Variants in MED12L observed in about 807,000 individuals in gnomAD.
The protein encoded by MED12L is mediator complex subunit 12L, also known as mediator of RNA polymerase II transcription subunit 12-like protein.
MED12L carries 60 observed loss-of-function variants against 281.3 expected under a neutral mutation model. The observed-to-expected ratio is 0.21, with a 90% CI of 0.17 to 0.26. The LOEUF (loss-of-function observed/expected upper bound fraction) is 0.26. Ranked by LOEUF, MED12L falls within the 10% of genes least tolerant of loss-of-function variation. The pLI, the probability that MED12L is intolerant of heterozygous loss-of-function variation, is 1.00. For synonymous variants in MED12L, 974 were observed against 987.2 expected, an observed-to-expected ratio of 0.99 and a Z score of 0.25; for missense variants, 2,146 against 2,680.9, an observed-to-expected ratio of 0.80 and a Z score of 4.41.
At chr3:151,305,758 T>C (rs1466367670) in intron 16 of MED12L, among the ~76,000 whole-genome samples, 10 of 152,082 alleles carry the variant, frequency 6.6e-5, no homozygotes. Flanking sequence ...GGGGGCAGTA[T>C]TGGGCAGAGG....
At chr3:151,427,383 C>G (rs1400351826) in intron 43 of MED12L, among the ~76,000 whole-genome samples, 1 of 152,086 alleles carries the variant, frequency 6.6e-6, no homozygotes, top group Admixed American at 6.5e-5. Context: ...CTTAAGCCAC[C>G]CTCACACCAC....
rs1719780375 is a variant in MED12L at position 151,433,675 on chromosome 3, A to G, written c.*871A>G. 6.6e-6 allele frequency: 1 copy of G among 152,628 alleles called. No homozygotes were observed. Among genetic ancestry groups the G allele is most frequent in the Non-Finnish European group, 1.5e-5 (1 of 68,050 alleles). The allele number at this position is 152,628 out of a possible 1,614,324, so 9.5% of individuals were successfully genotyped here. On this transcript the variant is annotated 3_prime_UTR_variant, in exon 45 of 45. Transcript: ENST00000687756. ...ACCTTATGCCACCTTAAGGGGAAAAAAAAATCCAGTAGCTGGCTTGAGATT... is the reference window on the plus strand; with the variant it reads ...ACCTTATGCCACCTTAAGGGGAAAAGAAAATCCAGTAGCTGGCTTGAGATT...
intron 16 of MED12L, among the ~76,000 whole-genome samples, chr3:151,301,014 T>C (rs1376807858): frequency 2.0e-5 from 3 of 152,192 alleles, no homozygotes; most frequent in African/African-American, 7.2e-5. Flanking sequence ...ATCCACTCTT[T>C]TGAGAGTTTA....
intron 16 of MED12L, chr3:151,328,900 T>C: frequency 1.9e-6 from 3 of 1,614,010 alleles, no homozygotes; most frequent in Non-Finnish European, 2.5e-6. Context: ...AGAAAACCAC[T>C]GTGTAGAGGG....
chr3:151,117,956 T>C (rs1000770898), intron 3 of MED12L, among the ~76,000 whole-genome samples: 16 of 151,264 alleles, frequency 1.1e-4, no homozygotes, highest in Non-Finnish European at 1.9e-4. Flanking sequence ...CTGGGTGTGG[T>C]GGTGGGCGCC....
Position 151,409,226 on chromosome 3 carries a change from T to C in MED12L, c.5821-17T>C, listed in dbSNP as rs756853198. 6.3e-7 allele frequency: 1 copy of C among 1,578,076 alleles called. No individual in the cohort carries two copies. Among genetic ancestry groups the C allele is most frequent in the African/African-American group, 1.4e-5 (1 of 72,812 alleles). On this transcript the variant is annotated splice_polypyrimidine_tract_variant and intron_variant, in intron 39 of 44. Coordinates refer to ENST00000687756, the MANE Select transcript of MED12L (RefSeq NM_001393769.1). Reference sequence around the variant, plus strand: ...TTGCTGTTATGATCAAGAGTTTGCTTTGGCTTTGTTTTCCAGGGCCAGCCG... The same window carrying C: ...TTGCTGTTATGATCAAGAGTTTGCTCTGGCTTTGTTTTCCAGGGCCAGCCG...
intron 19 of MED12L, among the ~76,000 whole-genome samples, chr3:151,356,249 AAT>A (rs1753906003): frequency 6.6e-6 from 1 of 151,898 alleles, no homozygotes; most frequent in African/African-American, 2.4e-5. Flanking sequence ...AAAATTTAAA[AAT>A]TAGCTGGTTG....
At chr3:151,169,369 C>A (rs1336075007) in intron 11 of MED12L, among the ~76,000 whole-genome samples, 1 of 152,112 alleles carries the variant, frequency 6.6e-6, no homozygotes, top group Non-Finnish European at 1.5e-5. Flanking sequence ...GATCCACCCG[C>A]CTTGGCCTCC....
At chr3:151,201,078 C>T (rs1369526377) in intron 16 of MED12L, 1 of 152,156 alleles carries the variant, frequency 6.6e-6, no homozygotes, top group Non-Finnish European at 1.5e-5. Flanking sequence ...TAAGGGCTTA[C>T]TGTGTGGGCA....
At chr3:151,319,190 TG>T (rs1336274004) in intron 16 of MED12L, among the ~76,000 whole-genome samples, 1 of 152,146 alleles carries the variant, frequency 6.6e-6, no homozygotes, top group East Asian at 1.9e-4. Context: ...ATGAAAAAAG[TG>T]TAACACTTTG....
chr3:151,311,622 A>G (rs1747527858), intron 16 of MED12L, among the ~76,000 whole-genome samples: 1 of 152,226 alleles, frequency 6.6e-6, no homozygotes. Flanking sequence ...AGGTGTGACA[A>G]CTAGAATACA....
chr3:151,191,074 G>C (rs920061711), intron 14 of MED12L, 143 bp downstream of exon 14: 1 of 676,824 alleles, frequency 1.5e-6, no homozygotes, highest in South Asian at 1.9e-5. Flanking sequence ...TCTACTTCTC[G>C]AGCAGGAAAG....
chr3:151,338,018 CA>C (rs1304393300), intron 16 of MED12L: 2 of 1,613,970 alleles, frequency 1.2e-6, no homozygotes, highest in African/African-American at 2.7e-5. Context: ...TCACATAGAA[CA>C]GAGTATTTTC....
intron 5 of MED12L, among the ~76,000 whole-genome samples, chr3:151,152,459 G>A (rs1464723331): frequency 2.0e-5 from 3 of 152,116 alleles, no homozygotes; most frequent in Admixed American, 2.0e-4. Flanking sequence ...CTTATCCAGA[G>A]CATTGCCTGG....
At chr3:151,183,019 A>G (rs978936562) in intron 11 of MED12L, among the ~76,000 whole-genome samples, 2 of 152,194 alleles carry the variant, frequency 1.3e-5, no homozygotes, top group South Asian at 2.1e-4. Context: ...AGGAGAGCAT[A>G]TGATTTCCAC....
At chr3:151,144,503 C>T (rs987878374) in intron 5 of MED12L, among the ~76,000 whole-genome samples, 1 of 152,144 alleles carries the variant, frequency 6.6e-6, no homozygotes, top group African/African-American at 2.4e-5. Flanking sequence ...GACCCCTCTC[C>T]CCTATTTTTG....
intron 20 of MED12L, among the ~76,000 whole-genome samples, chr3:151,358,083 TG>T (rs1227684017): frequency 6.6e-6 from 1 of 152,172 alleles, no homozygotes; most frequent in African/African-American, 2.4e-5. Context: ...AAAAGAATCA[TG>T]GGGTTCTTTG....
chr3:151,299,515 G>A (rs940724837), intron 16 of MED12L, among the ~76,000 whole-genome samples: 3 of 143,142 alleles, frequency 2.1e-5, no homozygotes, highest in Non-Finnish European at 3.0e-5. Context: ...GTCTTGCTCT[G>A]TCACCCAGGC....
At chr3:151,335,168 A>G (rs974930983) in intron 16 of MED12L, among the ~76,000 whole-genome samples, 6 of 152,152 alleles carry the variant, frequency 3.9e-5, no homozygotes, top group Non-Finnish European at 5.9e-5. Context: ...GAAATATACA[A>G]TACAGTATTT....
Sources: allele counts gnomAD v4.1 joint callset (sites outside exome capture counted in the v4.1 genomes callset), GRCh38; gene constraint gnomAD v4.1.1; transcripts MANE v1.5; gene names NCBI Gene and HGNC (gene_info 2026-07-23, HGNC 2026-07-21).